COL24A1: variants seen among roughly 807,000 people sequenced by gnomAD.
COL24A1 encodes collagen alpha-1(XXIV) chain.
In COL24A1, 224 loss-of-function variants were observed where a neutral mutation model predicts 253.9. That is an observed-to-expected ratio of 0.88 (90% CI 0.79 to 0.99). The LOEUF (loss-of-function observed/expected upper bound fraction) is 0.99, where lower values mean the gene tolerates loss of function less well. Among genes scored for constraint, COL24A1 ranks in the 50% least tolerant of loss-of-function variants. COL24A1 has a pLI of 0.00. For synonymous variants in COL24A1, 685 were observed against 673.7 expected, an observed-to-expected ratio of 1.02 and a Z score of -0.26; for missense variants, 2,131 against 2,068.5, an observed-to-expected ratio of 1.03 and a Z score of -0.59.
rs574586460 is a variant in COL24A1 at position 86,014,196 on chromosome 1, G to A, written c.2310+2955C>T. ...AACACTCAAGTTTTTATACTGATTC[G>A]TTCTCATTCACTTCTAAATATTTTC... On this transcript the variant is annotated intron_variant, in intron 19 of 59. Coordinates refer to ENST00000370571, the MANE Select transcript of COL24A1 (RefSeq NM_152890.7). Among the ~76,000 whole-genome samples the A allele has an allele frequency of 9.2e-5, 14 of 152,182 alleles. 1 individual carries two copies. The South Asian group carries it at 1.2e-3, about 14-fold the overall frequency.
chr1:85,817,904 G>T (rs1474662616), intron 46 of COL24A1, 130 bp downstream of exon 46: 3 of 766,842 alleles, frequency 3.9e-6, no homozygotes, highest in East Asian at 5.0e-5. Flanking sequence ...TCCAGCATGG[G>T]TTTAATTTTT....
At chr1:85,745,334 T>A in intron 56 of COL24A1, 107 bp downstream of exon 56, 2 of 624,908 alleles carry the variant, frequency 3.2e-6, no homozygotes, top group Non-Finnish European at 2.6e-6. Context: ...CAATCTGTTT[T>A]AAATACAATC....
At chr1:85,732,663 C>T (rs548123515) in intron 59 of COL24A1, among the ~76,000 whole-genome samples, 19 of 151,476 alleles carry the variant, frequency 1.3e-4, no homozygotes, top group African/African-American at 3.9e-4. Flanking sequence ...TACTTACTTG[C>T]GAATTTATTT....
intron 45 of COL24A1, among the ~76,000 whole-genome samples, chr1:85,822,534 A>G (rs1024368670): frequency 6.6e-6 from 1 of 152,256 alleles, no homozygotes; most frequent in African/African-American, 2.4e-5. Flanking sequence ...AGAGAAGACT[A>G]AATTCAGTAA....
intron 19 of COL24A1, among the ~76,000 whole-genome samples, chr1:85,997,134 C>G (rs1694899228): frequency 6.7e-6 from 1 of 148,896 alleles, no homozygotes; most frequent in South Asian, 2.1e-4. Context: ...AATAATGCAT[C>G]TTACCCTGAG....
At chr1:86,000,495 C>G (rs185980092) in intron 19 of COL24A1, among the ~76,000 whole-genome samples, 6 of 152,084 alleles carry the variant, frequency 3.9e-5, no homozygotes, top group Admixed American at 2.0e-4. Context: ...ATTTCTCATC[C>G]AAATCCAAGT....
intron 2 of COL24A1, 126 bp from the exon 3 acceptor site, chr1:86,126,340 A>G (rs1648299149): frequency 2.6e-6 from 2 of 779,052 alleles, no homozygotes; most frequent in South Asian, 1.9e-5. Context: ...AGCATGTTCT[A>G]TCAATAACTA....
At chr1:86,010,772 T>C (rs1032536134) in intron 19 of COL24A1, among the ~76,000 whole-genome samples, 1 of 152,094 alleles carries the variant, frequency 6.6e-6, no homozygotes, top group Non-Finnish European at 1.5e-5. Context: ...CAAAATTACA[T>C]AAAGAGCTCC....
chr1:86,142,000 T>C (rs940721535), intron 2 of COL24A1, among the ~76,000 whole-genome samples: 4 of 152,106 alleles, frequency 2.6e-5, no homozygotes, highest in African/African-American at 9.7e-5. Flanking sequence ...ATCTGGCCAG[T>C]GTCTTACTTT....
At chr1:85,866,272 T>C (rs1421139259) in intron 37 of COL24A1, among the ~76,000 whole-genome samples, 1 of 152,136 alleles carries the variant, frequency 6.6e-6, no homozygotes, top group African/African-American at 2.4e-5. Flanking sequence ...AAAGATTCTT[T>C]ATTAATAATT....
chr1:85,841,539 G>C (rs1676616660), intron 41 of COL24A1, among the ~76,000 whole-genome samples: 2 of 152,060 alleles, frequency 1.3e-5, no homozygotes, highest in Non-Finnish European at 2.9e-5. Flanking sequence ...AGATTTCAAT[G>C]ATATTGTAAA....
At chr1:86,021,104 C>T (rs1204579865) in intron 18 of COL24A1, among the ~76,000 whole-genome samples, 2 of 151,980 alleles carry the variant, frequency 1.3e-5, no homozygotes, top group African/African-American at 4.8e-5. Flanking sequence ...ATACTGCTTC[C>T]TGAGATTAAA....
chr1:86,018,102 A>T (rs1021719217), intron 18 of COL24A1, among the ~76,000 whole-genome samples: 5 of 152,246 alleles, frequency 3.3e-5, no homozygotes, highest in Admixed American at 3.3e-4. Flanking sequence ...ATCCATTTTC[A>T]TAAGAAAAAC....
At chr1:85,901,824 CAAAAAAA>C (rs55862441) in intron 28 of COL24A1, among the ~76,000 whole-genome samples, 3 of 57,786 alleles carry the variant, frequency 5.2e-5, no homozygotes, top group East Asian at 6.4e-4. Flanking sequence ...GACTCCGTCT[CAAAAAAA>C]AAAAAAAAAA....
At chr1:85,857,961 T>C (rs1376533966) in intron 37 of COL24A1, among the ~76,000 whole-genome samples, 1 of 152,206 alleles carries the variant, frequency 6.6e-6, no homozygotes, top group African/African-American at 2.4e-5. Flanking sequence ...ATCCACTCAG[T>C]TGCTCAGGCT....
intron 55 of COL24A1, among the ~76,000 whole-genome samples, chr1:85,746,412 T>C (rs538057221): frequency 1.3e-5 from 2 of 152,304 alleles, no homozygotes; most frequent in Non-Finnish European, 2.9e-5. Flanking sequence ...TGCATATATA[T>C]ACTGCCAAAC....
intron 44 of COL24A1, 37 bp from the exon 45 acceptor site, chr1:85,823,626 C>G: frequency 1.2e-6 from 2 of 1,613,390 alleles, no homozygotes; most frequent in South Asian, 2.2e-5. Flanking sequence ...ACATATGAAG[C>G]AGAGACCAAA....
At chr1:85,798,844 T>C (rs1295542703) in intron 47 of COL24A1, among the ~76,000 whole-genome samples, 1 of 152,194 alleles carries the variant, frequency 6.6e-6, no homozygotes, top group Non-Finnish European at 1.5e-5. Context: ...TTTATTTCTT[T>C]CCCTCTTTTC....
At chr1:85,739,452 C>A (rs770084013) in intron 57 of COL24A1, among the ~76,000 whole-genome samples, 1 of 152,142 alleles carries the variant, frequency 6.6e-6, no homozygotes, top group Non-Finnish European at 1.5e-5. Flanking sequence ...TAGCTCTTCC[C>A]TGAGGACACT....
Sources: gnomAD v4.1 joint callset for allele counts (sites outside exome capture counted in the v4.1 genomes callset) on GRCh38, gnomAD v4.1.1 for gene constraint, MANE v1.5 for transcripts, NCBI Gene and HGNC (gene_info 2026-07-23, HGNC 2026-07-21) for gene names.